The following UBE2F variants were observed in gnomAD, a reference collection of about 807,000 sequenced individuals.
UBE2F encodes ubiquitin conjugating enzyme E2 F (putative).
Under a neutral mutation model 29.6 loss-of-function variants are expected in UBE2F, and 5 were observed. The ratio of observed to expected loss-of-function variants is 0.17; its 90% confidence interval spans 0.09 to 0.36. UBE2F has a LOEUF of 0.36. Ranked by LOEUF, UBE2F falls within the 10% of genes least tolerant of loss-of-function variation. The pLI, the probability that UBE2F is intolerant of heterozygous loss-of-function variation, is 1.00. For synonymous variants in UBE2F, 66 were observed against 81.8 expected (o/e 0.81, Z 1.04); for missense variants, 141 against 228.5 (o/e 0.62, Z 2.47).
At position 237,988,007 on chromosome 2, in the gene UBE2F, C is replaced by G; in HGVS notation, c.148+15C>G. 1 of 1,483,914 alleles carries G rather than the reference C, an allele frequency of 6.7e-7. No homozygotes were observed. Among genetic ancestry groups the G allele is most frequent in the Non-Finnish European group, 9.0e-7 (1 of 1,107,496 alleles). 91.9% of individuals were successfully genotyped at this position (1,483,914 alleles called of 1,614,324 possible). ...TAATTTACCTTGTAAGTATAGCATC[C>G]CCAAACACTAAGTACTGTGAAATAA... On this transcript the variant is annotated intron_variant, in intron 3 of 9. Transcript: ENST00000272930.
At chr2:237,978,892 C>G (rs906925793) in intron 2 of UBE2F, among the ~76,000 whole-genome samples, 2 of 152,148 alleles carry the variant, frequency 1.3e-5, no homozygotes, top group Non-Finnish European at 2.9e-5. Context: ...GTGCTCCCTA[C>G]CCCCCAAACA....
intron 5 of UBE2F, 63 bp from the exon 6 acceptor site, chr2:238,025,279 G>C (rs7560931): frequency 0.026 from 36,329 of 1,421,516 alleles, 818 homozygotes; most frequent in African/African-American, 0.1. Context: ...GTAAGGCTCT[G>C]GCCTGGAGAT....
chr2:237,968,846 T>G, intron 1 of UBE2F: 2 of 985,336 alleles, frequency 2.0e-6, no homozygotes, highest in Middle Eastern at 5.2e-4. Context: ...AAGTTTTGTT[T>G]TAAACCAGAT....
intron 4 of UBE2F, among the ~76,000 whole-genome samples, chr2:237,997,812 A>C (rs1261293486): frequency 6.6e-6 from 1 of 152,230 alleles, no homozygotes; most frequent in African/African-American, 2.4e-5. Context: ...TTAGAGAAAA[A>C]CATGGAAATG....
intron 4 of UBE2F, among the ~76,000 whole-genome samples, chr2:238,000,519 A>G (rs1378654041): frequency 6.6e-6 from 1 of 152,160 alleles, no homozygotes; most frequent in Non-Finnish European, 1.5e-5. Context: ...GTTGAATTGT[A>G]TTCTATTGTA....
chr2:237,973,580 G>T, intron 2 of UBE2F: 3 of 865,298 alleles, frequency 3.5e-6, no homozygotes, highest in East Asian at 6.2e-5. Context: ...CAGCACCATA[G>T]TTTCTGCTCT....
At chr2:237,988,635 G>A (rs954227090) in intron 3 of UBE2F, among the ~76,000 whole-genome samples, 17 of 141,608 alleles carry the variant, frequency 1.2e-4, no homozygotes, top group African/African-American at 4.6e-4. Context: ...AAAAAAAAAA[G>A]AGCAAGGTTC....
chr2:237,972,965 A>G (rs994429331), intron 1 of UBE2F, 127 bp from the exon 2 acceptor site: 2 of 1,032,120 alleles, frequency 1.9e-6, no homozygotes, highest in Non-Finnish European at 2.8e-6. Flanking sequence ...ATTAATGTGT[A>G]CAAATTTTTT....
rs2064805655 is a variant in UBE2F at position 238,040,041 on chromosome 2, C to T, written c.508-1247C>T. Among the ~76,000 whole-genome samples, 1 of 152,180 alleles carries T rather than the reference C, an allele frequency of 6.6e-6. No individual in the cohort carries two copies. The highest frequency in any genetic ancestry group is 6.5e-5 in the Admixed American group (1 of 15,288). On this transcript the variant is annotated intron_variant, in intron 9 of 9. Coordinates refer to ENST00000272930, the MANE Select transcript of UBE2F (RefSeq NM_080678.3). This position sits in a 1 kb window ranked among gnomAD's most constrained non-coding sequence, Gnocchi z 4.4. The stretch of plus-strand genomic sequence containing the variant: ...CCATGTGGGAGGCTCCAAACGCCAT[C>T]CTGTAGACAAATAGGGCGGTTGGCA...
chr2:238,039,383 G>A (rs764238164), intron 9 of UBE2F, among the ~76,000 whole-genome samples: 3 of 152,252 alleles, frequency 2.0e-5, no homozygotes, highest in Non-Finnish European at 4.4e-5. Context: ...CCCTGAGGCA[G>A]GAATGTGCTG....
chr2:238,002,323 G>C (rs554263883), intron 4 of UBE2F, among the ~76,000 whole-genome samples: 1 of 152,218 alleles, frequency 6.6e-6, no homozygotes, highest in African/African-American at 2.4e-5. Context: ...CATTGTGCAG[G>C]TTAGTTACAT....
Position 237,980,048 on chromosome 2 carries a change from G to C in UBE2F, c.118+6823G>C, listed in dbSNP as rs139668807. Among the ~76,000 whole-genome samples the C allele has an allele frequency of 4.9e-3, 744 of 152,348 alleles. 6 individuals carry two copies. The highest frequency in any genetic ancestry group is 0.017 in the African/African-American group (724 of 41,564). ...GGCATGCAGAAAAGGTGGATTTGAG[G>C]ATTTTAATGCATGAAGGCAGTGGGA... On this transcript the variant is annotated intron_variant, in intron 2 of 9. Transcript: ENST00000272930.
Position 237,992,216 on chromosome 2 carries a change from G to A in UBE2F, c.149-2528G>A, listed in dbSNP as rs941957397. The stretch of plus-strand genomic sequence containing the variant: ...CAGCTTTTTGGAGCTATTGATTTCC[G>A]CATCTGTCTATTAAAACAAAAGAGA... On this transcript the variant is annotated intron_variant, in intron 3 of 9. Transcript: ENST00000272930. 6.6e-5 allele frequency among the ~76,000 whole-genome samples: 10 copies of A among 152,160 alleles called. No homozygotes were observed. The South Asian group carries it at 1.0e-3, about 16-fold the overall frequency.
chr2:237,992,638 C>T (rs2063612913), intron 3 of UBE2F, among the ~76,000 whole-genome samples: 2 of 152,146 alleles, frequency 1.3e-5, no homozygotes, highest in Non-Finnish European at 2.9e-5. Context: ...GGAAATGAGG[C>T]ATGAGGTAGG....
chr2:238,011,491 G>A (rs150807811), intron 4 of UBE2F, among the ~76,000 whole-genome samples: 74 of 152,302 alleles, frequency 4.9e-4, no homozygotes, highest in South Asian at 1.9e-3. Context: ...TCATAAGGGC[G>A]GGAATTATCT....
chr2:238,016,497 G>A (rs2064156560), intron 4 of UBE2F, 69 bp from the exon 5 acceptor site: 2 of 1,382,718 alleles, frequency 1.4e-6, no homozygotes, highest in Admixed American at 1.8e-5. Context: ...CTAACAGAGT[G>A]TTTGCTTTTT....
chr2:238,025,508 G>C (rs1417149669), intron 6 of UBE2F, 96 bp downstream of exon 6: 15 of 1,160,342 alleles, frequency 1.3e-5, no homozygotes, highest in Non-Finnish European at 1.8e-5. Flanking sequence ...AGATTTTGAG[G>C]CATGGCCAAG....
chr2:237,992,113 GC>G (rs1464286239), intron 3 of UBE2F, among the ~76,000 whole-genome samples: 1 of 151,870 alleles, frequency 6.6e-6, no homozygotes, highest in Non-Finnish European at 1.5e-5. Context: ...TGATCCACCT[GC>G]CTTGGCCTCC....
intron 4 of UBE2F, among the ~76,000 whole-genome samples, chr2:238,013,780 A>T (rs1343917683): frequency 1.3e-5 from 2 of 152,198 alleles, no homozygotes; most frequent in Non-Finnish European, 2.9e-5. Context: ...GAGGAGGATA[A>T]TTCCTCTAAT....
Sources: gnomAD v4.1 joint callset for allele counts (sites outside exome capture counted in the v4.1 genomes callset) on GRCh38, gnomAD v4.1.1 for gene constraint, Gnocchi (gnomAD v3.1) non-coding constraint, MANE v1.5 for transcripts, NCBI Gene and HGNC (gene_info 2026-07-23, HGNC 2026-07-21) for gene names.